The following IQCM variants were observed in gnomAD, a reference collection of about 807,000 sequenced individuals.
IQCM encodes the protein IQ motif containing M, also known as IQ domain-containing protein M.
IQCM carries 45 observed loss-of-function variants against 57.6 expected under a neutral mutation model. The ratio of observed to expected loss-of-function variants is 0.78; its 90% CI spans 0.62 to 1.00. IQCM has a LOEUF of 1.00. Among genes scored for constraint, IQCM ranks in the 50% least tolerant of loss-of-function variants. IQCM has a pLI of 0.00. For synonymous variants in IQCM, 148 were observed against 158.9 expected, an observed-to-expected ratio of 0.93 and a Z score of 0.51; for missense variants, 468 against 511.6, an observed-to-expected ratio of 0.91 and a Z score of 0.82.
intron 13 of IQCM, among the ~76,000 whole-genome samples, chr4:149,381,720 AGTATGTATGTAT>A (rs60955059): frequency 1.7e-3 from 247 of 146,604 alleles, no homozygotes; most frequent in Admixed American, 4.6e-3. Context: ...TTTCCCCCAT[AGTATGTATGTAT>A]GTATGTATGT....
At chr4:149,780,976 T>C (rs796324168) in intron 2 of IQCM, among the ~76,000 whole-genome samples, 5 of 152,284 alleles carry the variant, frequency 3.3e-5, no homozygotes, top group African/African-American at 1.2e-4. Flanking sequence ...AAATGGTGAA[T>C]TTAAGTAATG....
intron 7 of IQCM, among the ~76,000 whole-genome samples, chr4:149,669,349 T>C (rs915989421): frequency 1.3e-5 from 2 of 152,202 alleles, no homozygotes; most frequent in African/African-American, 4.8e-5. Flanking sequence ...TAAATTTGTT[T>C]GAGTTCTTTG....
At chr4:149,773,419 A>G (rs1014081640) in intron 2 of IQCM, among the ~76,000 whole-genome samples, 3 of 152,124 alleles carry the variant, frequency 2.0e-5, no homozygotes, top group African/African-American at 7.2e-5. Flanking sequence ...AAGAGCCCAC[A>G]TGACAACCAG....
intron 12 of IQCM, among the ~76,000 whole-genome samples, chr4:149,453,032 A>G (rs1455486512): frequency 1.3e-5 from 2 of 151,572 alleles, no homozygotes; most frequent in African/African-American, 4.8e-5. Flanking sequence ...TAAAAAAGGA[A>G]ATGAGTAAAA....
chr4:149,409,296 G>A lies in IQCM; in HGVS notation c.1390+24100C>T, dbSNP rs181448498. On this transcript the variant is annotated intron_variant, in intron 13 of 13. Coordinates refer to ENST00000636793, the MANE Select transcript of IQCM (RefSeq NM_001363507.2). ...TTGACAGACTGAAAGGCTTAGCAGG[G>A]GTTGGACTGTGGCCCATGCCAGTCA... Among the ~76,000 whole-genome samples, 9 of 152,322 alleles carry A rather than the reference G, an allele frequency of 5.9e-5. No individual in the cohort carries two copies. The East Asian group carries it at 1.5e-3, about 26-fold the overall frequency.
At chr4:149,711,629 A>G (rs1764566674) in intron 5 of IQCM, among the ~76,000 whole-genome samples, 1 of 152,148 alleles carries the variant, frequency 6.6e-6, no homozygotes, top group Non-Finnish European at 1.5e-5. Context: ...GGTTTTTAAA[A>G]CCAAAAACCA....
intron 12 of IQCM, among the ~76,000 whole-genome samples, chr4:149,535,678 G>A (rs1747220320): frequency 1.3e-5 from 2 of 152,014 alleles, no homozygotes; most frequent in South Asian, 4.1e-4. Flanking sequence ...TAATATTACA[G>A]AATTTAATCA....
chr4:149,388,290 C>T (rs1053197752), intron 13 of IQCM, among the ~76,000 whole-genome samples: 5 of 151,478 alleles, frequency 3.3e-5, no homozygotes, highest in South Asian at 2.1e-4. Context: ...TTTTACATTC[C>T]TACCAGTGAC....
At chr4:149,387,657 G>C (rs1333485415) in intron 13 of IQCM, among the ~76,000 whole-genome samples, 2 of 151,922 alleles carry the variant, frequency 1.3e-5, no homozygotes, top group Non-Finnish European at 2.9e-5. Context: ...ATAGAAACTG[G>C]TGCAGGGCCT....
intron 12 of IQCM, among the ~76,000 whole-genome samples, chr4:149,548,131 G>A (rs1250310556): frequency 6.6e-6 from 1 of 152,084 alleles, no homozygotes; most frequent in Non-Finnish European, 1.5e-5. Flanking sequence ...AAATATGATA[G>A]TTTAAAATAT....
At chr4:149,626,153 T>G (rs1756775944) in intron 7 of IQCM, among the ~76,000 whole-genome samples, 1 of 151,658 alleles carries the variant, frequency 6.6e-6, no homozygotes, top group Non-Finnish European at 1.5e-5. Context: ...GTGGGCACAG[T>G]CTAATCAACT....
At chr4:149,471,214 A>G (rs955747727) in intron 12 of IQCM, among the ~76,000 whole-genome samples, 1 of 152,178 alleles carries the variant, frequency 6.6e-6, no homozygotes, top group African/African-American at 2.4e-5. Context: ...AAATTGATAG[A>G]CCTCTAGCAA....
intron 7 of IQCM, among the ~76,000 whole-genome samples, chr4:149,633,897 T>C (rs1757501377): frequency 6.6e-6 from 1 of 152,178 alleles, no homozygotes; most frequent in Non-Finnish European, 1.5e-5. Flanking sequence ...TGATGGTACA[T>C]TTGAATTCAA....
At chr4:149,734,760 G>A (rs902185174) in intron 4 of IQCM, among the ~76,000 whole-genome samples, 1 of 151,886 alleles carries the variant, frequency 6.6e-6, no homozygotes, top group Admixed American at 6.6e-5. Context: ...CCTCCAAAAT[G>A]TCACCCTGTG....
chr4:149,498,094 C>A (rs1288055056), intron 12 of IQCM, among the ~76,000 whole-genome samples: 1 of 152,120 alleles, frequency 6.6e-6, no homozygotes. Context: ...TCCAGGTCCA[C>A]CCTGTTTAAA....
chr4:149,427,513 A>G (rs569564544), intron 13 of IQCM, among the ~76,000 whole-genome samples: 7 of 152,080 alleles, frequency 4.6e-5, no homozygotes, highest in African/African-American at 1.7e-4. Flanking sequence ...TGATTTTATC[A>G]TTGAAGTTTA....
intron 9 of IQCM, among the ~76,000 whole-genome samples, chr4:149,571,897 A>G (rs1189859743): frequency 1.3e-5 from 2 of 152,114 alleles, no homozygotes; most frequent in East Asian, 1.9e-4. Flanking sequence ...AGCTTCCTCC[A>G]TAATGCATAA....
At chr4:149,559,393 C>G (rs1323328864) in intron 10 of IQCM, among the ~76,000 whole-genome samples, 3 of 152,134 alleles carry the variant, frequency 2.0e-5, no homozygotes, top group African/African-American at 7.2e-5. Context: ...GTCCTCCCAG[C>G]TATGCCCCAG....
intron 2 of IQCM, among the ~76,000 whole-genome samples, chr4:149,779,766 T>C (rs772210811): frequency 2.6e-5 from 4 of 152,192 alleles, no homozygotes; most frequent in South Asian, 2.1e-4. Context: ...GATTTTTGAA[T>C]ATCCCATAAA....
Sources: gnomAD v4.1 joint callset for allele counts (sites outside exome capture counted in the v4.1 genomes callset) on GRCh38, gnomAD v4.1.1 for gene constraint, MANE v1.5 for transcripts, NCBI Gene and HGNC (gene_info 2026-07-23, HGNC 2026-07-21) for gene names.